Variants in P4HA1 observed in about 807,000 individuals in gnomAD.
P4HA1 encodes prolyl 4-hydroxylase subunit alpha-1.
A neutral mutation model predicts 72.8 loss-of-function variants in P4HA1; 24 were observed. The ratio of observed to expected loss-of-function variants is 0.33; its 90% CI spans 0.24 to 0.46. The LOEUF (loss-of-function observed/expected upper bound fraction) is 0.46, where lower values mean the gene tolerates loss of function less well. Among genes scored for constraint, P4HA1 ranks in the 20% least tolerant of loss-of-function variants. The pLI is 1.00. For missense variants in P4HA1, 446 were observed against 640.6 expected (o/e 0.70, Z 3.28); for synonymous variants, 201 against 218.8 (o/e 0.92, Z 0.72).
At chr10:73,081,682 GTTTGAC>G (rs894070268) in intron 1 of P4HA1, among the ~76,000 whole-genome samples, 5 of 152,184 alleles carry the variant, frequency 3.3e-5, no homozygotes, top group Non-Finnish European at 7.3e-5. Context: ...ACATAGGACA[GTTTGAC>G]TTAGGATTTT....
chr10:73,037,684 G>C, intron 9 of P4HA1, among the ~76,000 whole-genome samples: 1 of 147,182 alleles, frequency 6.8e-6, no homozygotes, highest in East Asian at 2.0e-4. Context: ...GTTAACAAAG[G>C]CTAATAATCT....
Position 73,051,187 on chromosome 10 carries a change from T to G in P4HA1, c.766A>C (p.Lys256Gln). The G allele has an allele frequency of 6.2e-7, 1 of 1,609,498 alleles. No individual in the cohort carries two copies. Among genetic ancestry groups the G allele is most frequent in the Non-Finnish European group, 8.5e-7 (1 of 1,175,810 alleles). ...KYFEYIMAKE[K>Q]DVNKSASDDQ... is the part of the protein sequence containing the mutation. ...TCTGAAGCAGACTTATTGACATCTT[T>G]TTCTTTAGCCATTATATACTCAAAA... The change falls in exon 7 of 15, where the codon AAA (lysine) becomes CAA (glutamine). Residue 256 changes from lysine to glutamine, a missense_variant. By Grantham distance (53) the Lys-to-Gln change is moderately conservative. Transcript: ENST00000394890.
At chr10:73,040,881 T>G (rs1303685785) in intron 9 of P4HA1, among the ~76,000 whole-genome samples, 1 of 152,190 alleles carries the variant, frequency 6.6e-6, no homozygotes, top group Non-Finnish European at 1.5e-5. Context: ...TGATAAAATC[T>G]GTTAACAGTT....
At chr10:73,086,126 C>T (rs985215510) in intron 1 of P4HA1, among the ~76,000 whole-genome samples, 4 of 152,148 alleles carry the variant, frequency 2.6e-5, no homozygotes, top group Admixed American at 6.5e-5. Context: ...AGTTTAGTTC[C>T]TCAAAAAAGC....
chr10:73,030,373 A>G lies in P4HA1; in HGVS notation c.1149-3T>C, dbSNP rs762171559. On this transcript the variant is annotated splice_region_variant and splice_polypyrimidine_tract_variant and intron_variant, in intron 9 of 14. Transcript: ENST00000394890. ...TTTCATAGCCAGAGAGCCAGGCACT[A>G]AGAATAAGAGGAATATTAGTTTTAT... is the stretch of plus-strand genomic sequence containing the variant. The G allele has an allele frequency of 2.0e-6, 3 of 1,503,140 alleles. No homozygotes were observed. The highest frequency in any genetic ancestry group is 2.3e-5 in the East Asian group (1 of 43,940). 93.1% of individuals were successfully genotyped at this position (1,503,140 alleles called of 1,614,324 possible). A position where few individuals can be genotyped will look rare whatever the true frequency, so the allele number is the denominator to read the frequency against.
intron 10 of P4HA1, among the ~76,000 whole-genome samples, chr10:73,026,142 A>T (rs1161537856): frequency 6.6e-6 from 1 of 152,192 alleles, no homozygotes; most frequent in African/African-American, 2.4e-5. Flanking sequence ...GAGCCCACAT[A>T]GCCAAGACAA....
chr10:73,016,953 A>G (rs1564618879), intron 10 of P4HA1, 54 bp from the exon 11 acceptor site: 1 of 1,414,620 alleles, frequency 7.1e-7, no homozygotes, highest in Non-Finnish European at 9.8e-7. Flanking sequence ...TTACTATTCA[A>G]AAAAAATCTA....
chr10:73,039,822 C>T (rs965981558), intron 9 of P4HA1, among the ~76,000 whole-genome samples: 7 of 148,686 alleles, frequency 4.7e-5, no homozygotes, highest in Non-Finnish European at 8.9e-5. Context: ...CATCAGAACA[C>T]GAATTTTCTT....
intron 5 of P4HA1, 88 bp from the exon 6 acceptor site, chr10:73,053,678 A>G: frequency 8.5e-7 from 1 of 1,175,302 alleles, no homozygotes. Flanking sequence ...ATGCTGTCTC[A>G]CTTCTATTTG....
intron 1 of P4HA1, among the ~76,000 whole-genome samples, chr10:73,096,058 T>TA (rs771694477): frequency 9.9e-5 from 15 of 152,152 alleles, no homozygotes; most frequent in Non-Finnish European, 2.1e-4. Flanking sequence ...TGTCTCTTTT[T>TA]AAAAAAAGTT....
chr10:73,053,336 G>A lies in P4HA1; in HGVS notation c.703+15C>T. On this transcript the variant is annotated intron_variant, in intron 6 of 14. Transcript: ENST00000394890. ...CAATATAACTATAACCTTAAATTAG[G>A]CCCAGATAACATACCTAGTTCAAGA... The A allele has an allele frequency of 1.2e-6, 2 of 1,612,522 alleles. No individual in the cohort carries two copies. Among genetic ancestry groups the A allele is most frequent in the African/African-American group, 1.3e-5 (1 of 74,898 alleles).
intron 9 of P4HA1, among the ~76,000 whole-genome samples, chr10:73,043,302 AT>A (rs967351263): frequency 1.2e-4 from 19 of 152,182 alleles, no homozygotes; most frequent in Non-Finnish European, 4.4e-5. Context: ...AGATATTTCT[AT>A]TTTCATGAGA....
At chr10:73,036,645 G>T (rs145642652) in intron 9 of P4HA1, among the ~76,000 whole-genome samples, 7,422 of 152,030 alleles carry the variant, frequency 0.049, 585 homozygotes, top group African/African-American at 0.16. Flanking sequence ...CAATCTACCT[G>T]CCTTGACCTC....
intron 10 of P4HA1, among the ~76,000 whole-genome samples, chr10:73,021,622 A>T (rs1840137325): frequency 1.3e-5 from 2 of 152,220 alleles, no homozygotes. Flanking sequence ...TACCTGGTTC[A>T]TCTCATTGGG....
intron 5 of P4HA1, among the ~76,000 whole-genome samples, chr10:73,053,910 A>C (rs1331579950): frequency 6.6e-6 from 1 of 151,106 alleles, no homozygotes; most frequent in African/African-American, 2.5e-5. Flanking sequence ...CATATGAGAT[A>C]CATCTCTTTT....
chr10:73,035,352 CA>C (rs574570098), intron 9 of P4HA1, among the ~76,000 whole-genome samples: 1 of 151,680 alleles, frequency 6.6e-6, no homozygotes, highest in African/African-American at 2.4e-5. Context: ...CCCGTCTTTA[CA>C]AAAAAAATTA....
At chr10:73,012,730 G>C (rs989736735) in intron 12 of P4HA1, among the ~76,000 whole-genome samples, 5 of 152,114 alleles carry the variant, frequency 3.3e-5, no homozygotes, top group Admixed American at 3.3e-4. Flanking sequence ...TTCAAATAGG[G>C]CTAAGGAATG....
At chr10:73,070,964 A>G (rs2133129866) in intron 4 of P4HA1, among the ~76,000 whole-genome samples, 1 of 152,168 alleles carries the variant, frequency 6.6e-6, no homozygotes, top group South Asian at 2.1e-4. Flanking sequence ...GAAGGATCAC[A>G]TGAGGCCAAG....
chr10:73,038,439 T>C (rs1238872760), intron 9 of P4HA1, among the ~76,000 whole-genome samples: 4 of 152,140 alleles, frequency 2.6e-5, no homozygotes, highest in Non-Finnish European at 5.9e-5. Context: ...GATTATTGTT[T>C]ATTTGCATAG....
Sources: allele counts gnomAD v4.1 joint callset (sites outside exome capture counted in the v4.1 genomes callset), GRCh38; gene constraint gnomAD v4.1.1; transcripts MANE v1.5; gene names NCBI Gene and HGNC (gene_info 2026-07-23, HGNC 2026-07-21).